TAFA1: variants seen among roughly 807,000 people sequenced by gnomAD.
The protein encoded by TAFA1 is TAFA chemokine like family member 1, also known as chemokine-like protein TAFA-1.
Under a neutral mutation model 18.5 loss-of-function variants are expected in TAFA1, and 4 were observed. The ratio of observed to expected loss-of-function variants is 0.22; its 90% CI spans 0.11 to 0.49. The LOEUF (loss-of-function observed/expected upper bound fraction) is 0.49, where lower values mean the gene tolerates loss of function less well. TAFA1 is among the 20% of genes least tolerant of loss of function. The probability of loss-of-function intolerance (pLI) is 0.98; values close to 1 mark genes in which losing one functional copy is unlikely to be tolerated. For synonymous variants in TAFA1, 56 were observed against 55.2 expected, an observed-to-expected ratio of 1.01 and a Z score of -0.06; for missense variants, 147 against 169.0, an observed-to-expected ratio of 0.87 and a Z score of 0.72.
At chr3:68,012,894 C>G (rs1440156253) in intron 2 of TAFA1, among the ~76,000 whole-genome samples, 3 of 152,130 alleles carry the variant, frequency 2.0e-5, no homozygotes, top group African/African-American at 7.2e-5. Context: ...GAAGATACTC[C>G]TTGGACAAAA....
At chr3:68,025,253 A>T (rs1247258222) in intron 2 of TAFA1, among the ~76,000 whole-genome samples, 1 of 152,080 alleles carries the variant, frequency 6.6e-6, no homozygotes, top group Non-Finnish European at 1.5e-5. Flanking sequence ...CATTAAATTT[A>T]TTGGAAAAGC....
chr3:68,316,354 A>C (rs2068604997), intron 2 of TAFA1, among the ~76,000 whole-genome samples: 1 of 152,194 alleles, frequency 6.6e-6, no homozygotes, highest in Non-Finnish European at 1.5e-5. Flanking sequence ...CTGTCCTAAA[A>C]TATCTGAGGA....
chr3:68,203,335 G>T (rs184006770), intron 2 of TAFA1, among the ~76,000 whole-genome samples: 2 of 151,668 alleles, frequency 1.3e-5, no homozygotes, highest in Non-Finnish European at 1.5e-5. Context: ...CTGTGGTTTG[G>T]TGTCTGACAT....
At chr3:68,305,604 A>C (rs1007780258) in intron 2 of TAFA1, among the ~76,000 whole-genome samples, 1 of 151,398 alleles carries the variant, frequency 6.6e-6, no homozygotes, top group Non-Finnish European at 1.5e-5. Context: ...AATTATAGGG[A>C]TACACTAGTA....
chr3:68,000,805 A>G (rs962288997), upstream of TAFA1, among the ~76,000 whole-genome samples: 11 of 152,170 alleles, frequency 7.2e-5, no homozygotes, highest in Non-Finnish European at 5.9e-5. Flanking sequence ...GATGGATTTG[A>G]GGCATAAACA....
intron 3 of TAFA1, among the ~76,000 whole-genome samples, chr3:68,530,444 T>C (rs1197203212): frequency 6.6e-6 from 1 of 152,228 alleles, no homozygotes; most frequent in African/African-American, 2.4e-5. Flanking sequence ...GCTTTAGTGA[T>C]TTTAAGAATC....
chr3:68,024,097 G>A (rs1704759329), intron 2 of TAFA1, among the ~76,000 whole-genome samples: 1 of 152,132 alleles, frequency 6.6e-6, no homozygotes, highest in Admixed American at 6.6e-5. Flanking sequence ...AACTTTTATA[G>A]GGCATATTCA....
intron 2 of TAFA1, among the ~76,000 whole-genome samples, chr3:68,398,706 G>A (rs776471962): frequency 2.0e-5 from 3 of 152,098 alleles, no homozygotes; most frequent in Admixed American, 6.6e-5. Context: ...ATTTCATTAC[G>A]AACATTAACT....
intron 2 of TAFA1, among the ~76,000 whole-genome samples, chr3:68,228,612 T>G (rs943920883): frequency 6.6e-6 from 1 of 152,254 alleles, no homozygotes; most frequent in Non-Finnish European, 1.5e-5. Flanking sequence ...TACTATACTA[T>G]GAATGTTTCA....
At chr3:67,996,307 G>A in the TAFA1 span, among the ~76,000 whole-genome samples, 4 of 152,138 alleles carry the variant, frequency 2.6e-5, no homozygotes, top group African/African-American at 7.2e-5. Flanking sequence ...AGTACATGCT[G>A]GATCTAGTTT....
intron 2 of TAFA1, chr3:68,145,731 C>A (rs1288199688): frequency 2.9e-6 from 2 of 680,602 alleles, no homozygotes; most frequent in Non-Finnish European, 2.7e-6. Flanking sequence ...ATGGCTTAAG[C>A]ACCTCAGCAT....
At chr3:68,208,636 G>T (rs533362409) in intron 2 of TAFA1, among the ~76,000 whole-genome samples, 3 of 152,052 alleles carry the variant, frequency 2.0e-5, no homozygotes, top group Admixed American at 2.0e-4. Flanking sequence ...AGTAAGGCCA[G>T]TTGGCCTGAA....
At chr3:68,385,607 G>A (rs187330945) in intron 2 of TAFA1, among the ~76,000 whole-genome samples, 2 of 152,134 alleles carry the variant, frequency 1.3e-5, no homozygotes, top group African/African-American at 4.8e-5. Context: ...GCAATATGTG[G>A]CATGTTGTAG....
chr3:68,357,697 A>T (rs555128914), intron 2 of TAFA1, among the ~76,000 whole-genome samples: 10 of 151,996 alleles, frequency 6.6e-5, no homozygotes, highest in Admixed American at 6.6e-4. Context: ...ATTCTTTCCA[A>T]GCATTCTGAT....
chr3:68,201,438 T>A (rs2066469018), intron 2 of TAFA1, among the ~76,000 whole-genome samples: 1 of 151,700 alleles, frequency 6.6e-6, no homozygotes, highest in East Asian at 1.9e-4. Flanking sequence ...CCTTTCTGAT[T>A]TTCTGCCTGC....
chr3:68,056,757 G>C (rs1254999581), intron 2 of TAFA1, among the ~76,000 whole-genome samples: 1 of 152,106 alleles, frequency 6.6e-6, no homozygotes, highest in African/African-American at 2.4e-5. Flanking sequence ...TAAATTCCAG[G>C]CACTTTCAGC....
At chr3:68,268,342 A>G (rs2067588178) in intron 2 of TAFA1, among the ~76,000 whole-genome samples, 1 of 152,130 alleles carries the variant, frequency 6.6e-6, no homozygotes, top group Non-Finnish European at 1.5e-5. Context: ...AAACTTTGAC[A>G]TTTTGAGTTT....
intron 2 of TAFA1, among the ~76,000 whole-genome samples, chr3:68,159,277 G>A (rs2065899119): frequency 6.6e-6 from 1 of 152,118 alleles, no homozygotes; most frequent in South Asian, 2.1e-4. Context: ...GAAATCCTAT[G>A]CAAAATGCCT....
chr3:68,083,612 C>T (rs2064932264), intron 2 of TAFA1, among the ~76,000 whole-genome samples: 1 of 152,174 alleles, frequency 6.6e-6, no homozygotes, highest in Non-Finnish European at 1.5e-5. Context: ...AACAGGCATT[C>T]TGACACTATT....
Sources: gnomAD v4.1 joint callset for allele counts (sites outside exome capture counted in the v4.1 genomes callset) on GRCh38, gnomAD v4.1.1 for gene constraint, MANE v1.5 for transcripts, NCBI Gene and HGNC (gene_info 2026-07-23, HGNC 2026-07-21) for gene names.